Variants in UBTD2 observed in about 807,000 individuals in gnomAD.
UBTD2 encodes the protein ubiquitin domain containing 2.
UBTD2 carries 9 observed loss-of-function variants against 19.8 expected under a neutral mutation model. That is an observed-to-expected ratio of 0.46 (90% CI 0.27 to 0.79). The LOEUF (loss-of-function observed/expected upper bound fraction) is 0.79, where lower values mean the gene tolerates loss of function less well. UBTD2 is among the 30% of genes least tolerant of loss of function. The pLI is 0.14. For missense variants in UBTD2, 250 were observed against 300.4 expected (o/e 0.83, Z 1.24); for synonymous variants, 98 against 103.9 (o/e 0.94, Z 0.35).
At chr5:172,226,762 C>T (rs1356914066) in intron 2 of UBTD2, among the ~76,000 whole-genome samples, 2 of 152,106 alleles carry the variant, frequency 1.3e-5, no homozygotes, top group Non-Finnish European at 2.9e-5. Context: ...AAACACTTTG[C>T]TAGGAATTAT....
chr5:172,218,085 A>G (rs1230115665), intron 2 of UBTD2, among the ~76,000 whole-genome samples: 4 of 152,206 alleles, frequency 2.6e-5, no homozygotes, highest in African/African-American at 9.6e-5. Context: ...GAGAGACCAC[A>G]TTCTGAAACA....
chr5:172,257,705 A>G (rs568850396), intron 1 of UBTD2, among the ~76,000 whole-genome samples: 97 of 152,284 alleles, frequency 6.4e-4, no homozygotes, highest in African/African-American at 2.3e-3. Context: ...GTTCTGATTT[A>G]TATTTTTTTA....
chr5:172,273,672 T>C (rs527714488), intron 1 of UBTD2, among the ~76,000 whole-genome samples: 13 of 144,374 alleles, frequency 9.0e-5, no homozygotes, highest in African/African-American at 3.1e-4. Context: ...GAAAATGGAG[T>C]GGGACTAGCC....
intron 1 of UBTD2, among the ~76,000 whole-genome samples, chr5:172,274,382 G>A (rs1051394691): frequency 1.3e-5 from 2 of 151,630 alleles, no homozygotes; most frequent in Admixed American, 6.6e-5. Flanking sequence ...CTCATGATCC[G>A]CCCGCCTCAG....
At chr5:172,246,521 T>G (rs2113048304) in intron 1 of UBTD2, among the ~76,000 whole-genome samples, 1 of 145,872 alleles carries the variant, frequency 6.9e-6, no homozygotes, top group South Asian at 2.2e-4. Flanking sequence ...CTTGGCTCAC[T>G]GCAACCTCCG....
chr5:172,276,672 T>C, intron 1 of UBTD2, among the ~76,000 whole-genome samples: 1 of 151,158 alleles, frequency 6.6e-6, no homozygotes, highest in East Asian at 1.9e-4. Context: ...GTTTCATTTG[T>C]AAGGTTCATT....
chr5:172,267,510 G>C (rs976860978), intron 1 of UBTD2, among the ~76,000 whole-genome samples: 6 of 152,208 alleles, frequency 3.9e-5, no homozygotes, highest in Non-Finnish European at 8.8e-5. Context: ...AAGCTCAGAT[G>C]CATCTGCTCA....
At chr5:172,279,827 C>T (rs527780775) in intron 1 of UBTD2, among the ~76,000 whole-genome samples, 2 of 152,296 alleles carry the variant, frequency 1.3e-5, no homozygotes, top group African/African-American at 4.8e-5. Context: ...TCTAGTACGG[C>T]GGAGAACCAT....
chr5:172,250,790 A>G (rs1754987733), intron 1 of UBTD2, among the ~76,000 whole-genome samples: 1 of 151,940 alleles, frequency 6.6e-6, no homozygotes. Context: ...AAAATTAGCC[A>G]GGCATGGTGG....
intron 1 of UBTD2, among the ~76,000 whole-genome samples, chr5:172,244,466 T>A (rs1754819696): frequency 6.6e-6 from 1 of 151,308 alleles, no homozygotes; most frequent in Non-Finnish European, 1.5e-5. Context: ...CCGGCTAATT[T>A]TTTGTATTTT....
At chr5:172,216,453 A>C (rs1771543620) in intron 2 of UBTD2, among the ~76,000 whole-genome samples, 1 of 151,674 alleles carries the variant, frequency 6.6e-6, no homozygotes, top group Non-Finnish European at 1.5e-5. Context: ...TAAAAAAAAA[A>C]ACAAACAAAA....
At chr5:172,249,404 A>G (rs1754945471) in intron 1 of UBTD2, among the ~76,000 whole-genome samples, 2 of 34,728 alleles carry the variant, frequency 5.8e-5, no homozygotes, top group African/African-American at 3.0e-4. Context: ...GTCTCATGAA[A>G]AAAAAAAAAA....
rs1475113013 is a variant in UBTD2 at position 172,211,961 on chromosome 5, G to A, written c.574C>T (p.Gln192Ter). ...GGTCTGCCAGAAAAAAACCACCGCT[G>A]ACTACCTGGTTCCACTCCCTCTGCT... Reference protein sequence around the residue: ...HAAEGVEPGSQRWFFSGRPLT... With the variant: ...HAAEGVEPGS Residue 192 changes from glutamine to a stop codon, truncating the protein, a stop_gained, in exon 3 of 3, where the codon CAG becomes TAG. Transcript: ENST00000393792. LOFTEE classifies it high-confidence loss of function. 1.2e-6 allele frequency: 2 copies of A among 1,614,172 alleles called. No homozygotes were observed.
At chr5:172,275,007 G>T (rs1460677395) in intron 1 of UBTD2, among the ~76,000 whole-genome samples, 10 of 152,172 alleles carry the variant, frequency 6.6e-5, no homozygotes, top group Non-Finnish European at 1.5e-4. Flanking sequence ...CTGCACTCCA[G>T]CCTGTGCAAC....
intron 1 of UBTD2, among the ~76,000 whole-genome samples, chr5:172,253,352 TG>T (rs1206421839): frequency 3.3e-5 from 5 of 152,206 alleles, no homozygotes; most frequent in Non-Finnish European, 7.3e-5. Context: ...CATTATTAGC[TG>T]GGTATTCCTT....
chr5:172,253,383 C>T (rs1755066915), intron 1 of UBTD2, among the ~76,000 whole-genome samples: 1 of 151,984 alleles, frequency 6.6e-6, no homozygotes, highest in South Asian at 2.1e-4. Context: ...ACTGTATTTC[C>T]TCAAATTAAG....
At chr5:172,238,710 T>C (rs551007892) in intron 1 of UBTD2, among the ~76,000 whole-genome samples, 144 of 152,352 alleles carry the variant, frequency 9.5e-4, no homozygotes, top group African/African-American at 3.3e-3. Flanking sequence ...CATTTTGACA[T>C]TGGTAAAAAA....
At chr5:172,279,220 T>C (rs1336262755) in intron 1 of UBTD2, among the ~76,000 whole-genome samples, 2 of 152,256 alleles carry the variant, frequency 1.3e-5, no homozygotes, top group African/African-American at 4.8e-5. Flanking sequence ...GCAAAAGTAA[T>C]TGCGGTTTTT....
chr5:172,234,753 C>G (rs1401865162), intron 1 of UBTD2, among the ~76,000 whole-genome samples: 1 of 152,034 alleles, frequency 6.6e-6, no homozygotes, highest in Non-Finnish European at 1.5e-5. Context: ...ACAAAATACA[C>G]AAAAATTAGC....
Sources: gnomAD v4.1 joint callset for allele counts (sites outside exome capture counted in the v4.1 genomes callset) on GRCh38, gnomAD v4.1.1 for gene constraint, MANE v1.5 for transcripts, NCBI Gene and HGNC (gene_info 2026-07-23, HGNC 2026-07-21) for gene names.